Variants in AKAP14 observed in about 807,000 individuals in gnomAD.
The protein encoded by AKAP14 is A-kinase anchoring protein 14, also known as A-kinase anchor protein 14.
A neutral mutation model predicts 17.0 loss-of-function variants in AKAP14; 4 were observed. The ratio of observed to expected loss-of-function variants is 0.23; its 90% confidence interval spans 0.12 to 0.54. The LOEUF is 0.54. Among genes scored for constraint, AKAP14 ranks in the 20% least tolerant of loss-of-function variants. AKAP14 has a pLI of 0.95. For missense variants in AKAP14, 129 were observed against 150.9 expected, an observed-to-expected ratio of 0.85 and a Z score of 0.76; for synonymous variants, 42 against 51.3, an observed-to-expected ratio of 0.82 and a Z score of 0.77.
intron 4 of AKAP14, among the ~76,000 whole-genome samples, chrX:119,905,301 C>T (rs1045361979): frequency 9.8e-5 from 11 of 111,950 alleles, no homozygotes; most frequent in Non-Finnish European, 1.9e-4. Flanking sequence ...CGCCACTCAC[C>T]GTTCTCATTA....
intron 4 of AKAP14, among the ~76,000 whole-genome samples, chrX:119,912,534 C>CTTTTTTT (rs34639679): frequency 1.0e-5 from 1 of 99,692 alleles, no homozygotes. Flanking sequence ...ATGAATGCTA[C>CTTTTTTT]TTTTTTTTTT....
chrX:119,911,754 A>C (rs1480346943), intron 4 of AKAP14, among the ~76,000 whole-genome samples: 1 of 109,179 alleles, frequency 9.2e-6, no homozygotes, highest in Non-Finnish European at 1.9e-5. Context: ...CCTGGAGTGC[A>C]GTGGCACGAT....
intron 4 of AKAP14, among the ~76,000 whole-genome samples, chrX:119,907,274 G>A (rs949417846): frequency 1.0e-4 from 11 of 107,535 alleles, no homozygotes; most frequent in Admixed American, 5.1e-4. Flanking sequence ...GGGACTACAG[G>A]TGCATGCTAC....
At position 119,901,344 on chromosome X, in the gene AKAP14, G is replaced by A. The variant is rs192301663; in HGVS notation, c.-10-1870G>A. ...GATGATATAATTGTATACTGTACTGGAAAAACCCAAGAGAGAGAATTATGA... is the reference window on the plus strand; with the variant it reads ...GATGATATAATTGTATACTGTACTGAAAAAACCCAAGAGAGAGAATTATGA... On this transcript the variant is annotated intron_variant, in intron 2 of 6. Coordinates refer to ENST00000371431, the MANE Select transcript of AKAP14 (RefSeq NM_178813.6). Among the ~76,000 whole-genome samples the A allele has an allele frequency of 4.8e-3, 535 of 112,003 alleles. 2 individuals are homozygous for A. The highest frequency in any genetic ancestry group is 0.018 in the Middle Eastern group (4 of 219).
intron 4 of AKAP14, among the ~76,000 whole-genome samples, chrX:119,911,760 A>G (rs943967306): frequency 3.7e-5 from 4 of 109,118 alleles, no homozygotes; most frequent in Admixed American, 1.0e-4. Flanking sequence ...GTGCAGTGGC[A>G]CGATCATAGC....
chrX:119,903,169 T>C (rs1172457425), intron 2 of AKAP14, 45 bp from the exon 3 acceptor site: 1 of 1,125,525 alleles, frequency 8.9e-7, no homozygotes, highest in Non-Finnish European at 1.2e-6. Context: ...TGCGTTCACA[T>C]GTGTGTACAC....
intron 4 of AKAP14, among the ~76,000 whole-genome samples, chrX:119,913,150 AT>A (rs1390051436): frequency 7.7e-5 from 8 of 103,826 alleles, no homozygotes; most frequent in African/African-American, 2.7e-4. Context: ...AAATAAATAA[AT>A]AAAATAAAAT....
chrX:119,910,742 A>C (rs1345564162), intron 4 of AKAP14, among the ~76,000 whole-genome samples: 1 of 110,312 alleles, frequency 9.1e-6, no homozygotes, highest in East Asian at 2.9e-4. Flanking sequence ...GTCTCACCAC[A>C]ATCTCCGCCT....
Position 119,914,743 on chromosome X carries a change from A to C in AKAP14, c.306A>C (p.Val102=). Residue 102 remains valine, a synonymous_variant, in exon 5 of 7, where the codon GTA becomes GTC. Coordinates refer to ENST00000371431, the MANE Select transcript of AKAP14 (RefSeq NM_178813.6). ...GCTGGGCACATGGCGTAGAGTTTGT[A>C]GAGAGGAAAGACTTAATTCACAGCT... ...KKCWAHGVEF[V]ERKDLIHSFL... 8.3e-7 allele frequency: 1 copy of C among 1,210,857 alleles called. No homozygotes were observed. Among genetic ancestry groups the C allele is most frequent in the East Asian group, 3.0e-5 (1 of 33,858 alleles).
intron 2 of AKAP14, among the ~76,000 whole-genome samples, chrX:119,899,166 CAAAA>C (rs56354303): frequency 2.0e-5 from 1 of 49,849 alleles, no homozygotes. Context: ...GACTCTGTCT[CAAAA>C]AAAAAAAAAA....
At chrX:119,916,256 TGAC>T (rs988293538) in intron 5 of AKAP14, among the ~76,000 whole-genome samples, 7 of 110,360 alleles carry the variant, frequency 6.3e-5, no homozygotes, top group African/African-American at 2.0e-4. Context: ...ACTGAGGCCT[TGAC>T]ATCCCAGGCT....
chrX:119,912,823 C>G (rs2056635038), intron 4 of AKAP14, among the ~76,000 whole-genome samples: 1 of 111,626 alleles, frequency 9.0e-6, no homozygotes, highest in Non-Finnish European at 1.9e-5. Flanking sequence ...AGTCGTCCCC[C>G]CATCCATGGA....
At chrX:119,918,300 C>T (rs968599719) in intron 5 of AKAP14, among the ~76,000 whole-genome samples, 10 of 111,755 alleles carry the variant, frequency 8.9e-5, no homozygotes, top group Admixed American at 7.7e-4. Context: ...GGCCCAATCT[C>T]GGCTCACTGC....
At chrX:119,896,417 AG>A (rs1202208233) in intron 2 of AKAP14, 150 bp downstream of exon 2, 3 of 46,673 alleles carry the variant, frequency 6.4e-5, no homozygotes, top group Non-Finnish European at 1.2e-4. Flanking sequence ...AGGGGAGGAG[AG>A]GGGAGGGGAG....
At chrX:119,901,088 A>G (rs1465533954) in intron 2 of AKAP14, among the ~76,000 whole-genome samples, 1 of 112,186 alleles carries the variant, frequency 8.9e-6, no homozygotes, top group Non-Finnish European at 1.9e-5. Flanking sequence ...AAATCTTACT[A>G]GAACAGGAAC....
At chrX:119,903,953 T>C (rs2056583168) in intron 4 of AKAP14, among the ~76,000 whole-genome samples, 1 of 110,734 alleles carries the variant, frequency 9.0e-6, no homozygotes, top group Admixed American at 9.7e-5. Context: ...ATTTTGTTTA[T>C]TTTTTTTAGA....
At chrX:119,914,630 A>C in intron 4 of AKAP14, 69 bp from the exon 5 acceptor site, 1 of 1,062,228 alleles carries the variant, frequency 9.4e-7, no homozygotes, top group Non-Finnish European at 1.3e-6. Context: ...GCCATGCTGC[A>C]TTTATCTACA....
At chrX:119,897,457 C>T (rs1222128268) in intron 2 of AKAP14, among the ~76,000 whole-genome samples, 1 of 111,519 alleles carries the variant, frequency 9.0e-6, no homozygotes, top group Non-Finnish European at 1.9e-5. Flanking sequence ...CTGCGCCCGG[C>T]CCAAATGGAC....
chrX:119,916,038 G>A (rs1406175091), intron 5 of AKAP14, among the ~76,000 whole-genome samples: 2 of 109,734 alleles, frequency 1.8e-5, no homozygotes, highest in Non-Finnish European at 3.8e-5. Flanking sequence ...GGCTGGTCTT[G>A]AACTCCTGGC....
Sources: gnomAD v4.1 joint callset for allele counts (sites outside exome capture counted in the v4.1 genomes callset) on GRCh38, gnomAD v4.1.1 for gene constraint, MANE v1.5 for transcripts, NCBI Gene and HGNC (gene_info 2026-07-23, HGNC 2026-07-21) for gene names.